Variants in PTPRG observed in about 807,000 individuals in gnomAD.
The protein encoded by PTPRG is protein tyrosine phosphatase receptor type G.
Under a neutral mutation model 165.3 loss-of-function variants are expected in PTPRG, and 102 were observed. That is an observed-to-expected ratio of 0.62 (90% CI 0.53 to 0.73). The LOEUF is 0.73. PTPRG is among the 30% of genes least tolerant of loss of function. The pLI, the probability that PTPRG is intolerant of heterozygous loss-of-function variation, is 0.00. For synonymous variants in PTPRG, 675 were observed against 669.5 expected, an observed-to-expected ratio of 1.01 and a Z score of -0.13; for missense variants, 1,866 against 1,861.4, an observed-to-expected ratio of 1.00 and a Z score of -0.05.
chr3:62,057,130 A>G (rs1247016501), intron 4 of PTPRG, among the ~76,000 whole-genome samples: 2 of 152,162 alleles, frequency 1.3e-5, no homozygotes, highest in Non-Finnish European at 2.9e-5. Context: ...TGACTTAACT[A>G]TTTTGGGAGG....
intron 5 of PTPRG, among the ~76,000 whole-genome samples, chr3:62,081,257 AAAACAAACAAACAAAC>A (rs200988219): frequency 1.0e-5 from 1 of 98,590 alleles, no homozygotes; most frequent in Non-Finnish European, 2.1e-5. Context: ...ACTCCGTCTC[AAAACAAACAAACAAAC>A]AAACAAACAA....
At chr3:61,953,578 TGTG>T (rs1218143797) in intron 2 of PTPRG, among the ~76,000 whole-genome samples, 1 of 152,144 alleles carries the variant, frequency 6.6e-6, no homozygotes, top group Non-Finnish European at 1.5e-5. Flanking sequence ...ATGTGATTGT[TGTG>T]GTGGTTCTAT....
chr3:61,952,860 C>T (rs1322152881), intron 2 of PTPRG, among the ~76,000 whole-genome samples: 2 of 152,174 alleles, frequency 1.3e-5, no homozygotes, highest in Non-Finnish European at 2.9e-5. Flanking sequence ...TAATCTCTTG[C>T]CTTCTGTGGA....
At chr3:61,767,897 G>A (rs1005299845) in intron 2 of PTPRG, among the ~76,000 whole-genome samples, 1 of 150,166 alleles carries the variant, frequency 6.7e-6, no homozygotes, top group Admixed American at 6.7e-5. Context: ...TTGAGCCTGG[G>A]AGGTTGAGGC....
At chr3:61,791,676 T>A (rs914747117) in intron 2 of PTPRG, among the ~76,000 whole-genome samples, 1 of 152,164 alleles carries the variant, frequency 6.6e-6, no homozygotes, top group African/African-American at 2.4e-5. Context: ...TCAGTAGAGA[T>A]GGGGTTTCAC....
At chr3:61,919,140 A>ATGCT (rs1378444957) in intron 2 of PTPRG, among the ~76,000 whole-genome samples, 5 of 152,208 alleles carry the variant, frequency 3.3e-5, no homozygotes, top group African/African-American at 1.2e-4. Flanking sequence ...CTGAACTAGC[A>ATGCT]TGCTTGGTAA....
intron 2 of PTPRG, among the ~76,000 whole-genome samples, chr3:61,801,580 G>T (rs1021908993): frequency 6.6e-6 from 1 of 152,120 alleles, no homozygotes; most frequent in Non-Finnish European, 1.5e-5. Flanking sequence ...AAGTCGGCTT[G>T]TGTCATAATG....
At chr3:61,698,986 C>T (rs2030777430) in intron 1 of PTPRG, among the ~76,000 whole-genome samples, 1 of 151,682 alleles carries the variant, frequency 6.6e-6, no homozygotes, top group African/African-American at 2.4e-5. Context: ...CACATGGACA[C>T]AGGAAGGGGA....
intron 5 of PTPRG, among the ~76,000 whole-genome samples, chr3:62,100,297 G>A (rs1009716687): frequency 4.6e-5 from 7 of 152,090 alleles, no homozygotes. Flanking sequence ...GGGAATTGGG[G>A]TGACTTGTTC....
intron 2 of PTPRG, among the ~76,000 whole-genome samples, chr3:61,987,176 G>T (rs138228059): frequency 1.2e-3 from 187 of 152,310 alleles, no homozygotes; most frequent in African/African-American, 4.3e-3. Context: ...TGCAAGGCAA[G>T]GGTGTCTGAA....
intron 5 of PTPRG, among the ~76,000 whole-genome samples, chr3:62,087,304 C>G (rs968528740): frequency 2.0e-5 from 3 of 152,138 alleles, no homozygotes; most frequent in African/African-American, 7.2e-5. Context: ...TAGATTTGGT[C>G]TTCCTGGAAT....
intron 4 of PTPRG, among the ~76,000 whole-genome samples, chr3:62,068,214 G>A (rs774857499): frequency 1.3e-5 from 2 of 152,074 alleles, no homozygotes; most frequent in African/African-American, 4.8e-5. Flanking sequence ...GTTCAGAATC[G>A]GGCACATTTA....
chr3:62,231,925 A>G (rs1436322434), intron 14 of PTPRG, among the ~76,000 whole-genome samples: 1 of 152,118 alleles, frequency 6.6e-6, no homozygotes, highest in African/African-American at 2.4e-5. Flanking sequence ...TTTGGAACTC[A>G]TGATTGTACA....
chr3:61,714,064 CTAATA>C (rs1229828091), intron 1 of PTPRG, among the ~76,000 whole-genome samples: 2 of 152,184 alleles, frequency 1.3e-5, no homozygotes, highest in African/African-American at 4.8e-5. Flanking sequence ...AAAATCCTTT[CTAATA>C]TGTCTTTTCT....
At chr3:61,688,572 G>A (rs555455940) in intron 1 of PTPRG, among the ~76,000 whole-genome samples, 2 of 152,332 alleles carry the variant, frequency 1.3e-5, no homozygotes, top group South Asian at 4.1e-4. Context: ...CTGGTGGATT[G>A]GAGCAGGCAA....
At chr3:61,567,763 G>T (rs931561810) in intron 1 of PTPRG, among the ~76,000 whole-genome samples, 1 of 151,454 alleles carries the variant, frequency 6.6e-6, no homozygotes, top group Non-Finnish European at 1.5e-5. Flanking sequence ...TGGGCAGATT[G>T]CTTGAGCCCA....
intron 8 of PTPRG, among the ~76,000 whole-genome samples, chr3:62,177,362 T>A (rs1705465390): frequency 1.3e-5 from 2 of 152,222 alleles, no homozygotes; most frequent in Non-Finnish European, 2.9e-5. Flanking sequence ...AAATAAGACT[T>A]ATAGTACAGG....
At chr3:61,804,626 T>A (rs1456733037) in intron 2 of PTPRG, among the ~76,000 whole-genome samples, 1 of 152,088 alleles carries the variant, frequency 6.6e-6, no homozygotes, top group African/African-American at 2.4e-5. Flanking sequence ...CTATGCTTAT[T>A]CTTTATTTTT....
chr3:61,742,740 G>C (rs1575625312), intron 1 of PTPRG: 1 of 1,610,914 alleles, frequency 6.2e-7, no homozygotes, highest in East Asian at 2.2e-5. Flanking sequence ...CTGGGCCGAG[G>C]ATTCGTGGAA....
Sources: gnomAD v4.1 joint callset for allele counts (sites outside exome capture counted in the v4.1 genomes callset) on GRCh38, gnomAD v4.1.1 for gene constraint, MANE v1.5 for transcripts, NCBI Gene and HGNC (gene_info 2026-07-23, HGNC 2026-07-21) for gene names.